The following YAP1 variants were observed in gnomAD, a reference collection of about 807,000 sequenced individuals.
YAP1 encodes the protein transcriptional coactivator YAP1.
YAP1 carries 5 observed loss-of-function variants against 56.9 expected under a neutral mutation model. The observed-to-expected ratio is 0.09, with a 90% CI of 0.05 to 0.18. YAP1 has a LOEUF of 0.18. Ranked by LOEUF, YAP1 falls within the 10% of genes least tolerant of loss-of-function variation. The pLI, the probability that YAP1 is intolerant of heterozygous loss-of-function variation, is 1.00. For synonymous variants in YAP1, 265 were observed against 248.1 expected (o/e 1.07, Z -0.64); for missense variants, 539 against 651.8 (o/e 0.83, Z 1.88).
At chr11:102,194,599 A>G (rs538171521) in intron 4 of YAP1, among the ~76,000 whole-genome samples, 24 of 152,352 alleles carry the variant, frequency 1.6e-4, no homozygotes, top group African/African-American at 5.3e-4. Flanking sequence ...TTACAAATGT[A>G]TTAAGTATGG....
At chr11:102,147,145 C>T (rs1229380146) in intron 2 of YAP1, among the ~76,000 whole-genome samples, 2 of 152,204 alleles carry the variant, frequency 1.3e-5, no homozygotes, top group African/African-American at 4.8e-5. Context: ...GATTCTAGCT[C>T]TGTTAATCTG....
chr11:102,151,984 T>A (rs1047989738), intron 2 of YAP1, among the ~76,000 whole-genome samples: 1 of 152,186 alleles, frequency 6.6e-6, no homozygotes, highest in African/African-American at 2.4e-5. Flanking sequence ...ACAACCTTAT[T>A]GAACACAGCT....
chr11:102,191,459 A>G (rs1014644281), intron 4 of YAP1, among the ~76,000 whole-genome samples: 1 of 152,120 alleles, frequency 6.6e-6, no homozygotes, highest in African/African-American at 2.4e-5. Flanking sequence ...ATATAGTTAA[A>G]TGGCAAAACT....
At chr11:102,119,523 G>A (rs1282389756) in intron 2 of YAP1, among the ~76,000 whole-genome samples, 1 of 151,444 alleles carries the variant, frequency 6.6e-6, no homozygotes, top group African/African-American at 2.4e-5. Context: ...ACTGCAAGGT[G>A]GTAGGCTAAT....
chr11:102,130,405 T>C (rs1944306653), intron 2 of YAP1, among the ~76,000 whole-genome samples: 1 of 152,032 alleles, frequency 6.6e-6, no homozygotes, highest in South Asian at 2.1e-4. Context: ...TAATGATTGA[T>C]TGATTGATTG....
At chr11:102,188,513 C>T (rs993898290) in intron 4 of YAP1, among the ~76,000 whole-genome samples, 1 of 152,196 alleles carries the variant, frequency 6.6e-6, no homozygotes, top group Non-Finnish European at 1.5e-5. Context: ...ACGTTTCAGT[C>T]AGCGGCAGAC....
chr11:102,110,953 A>G lies in YAP1; in HGVS notation c.105A>G (p.Gln35=), dbSNP rs1205364588. ...QGQGPPSGPG[Q]PAPAATQAAP... is the part of the protein sequence containing the mutation. ...AGGGCCCGCCGTCCGGACCCGGGCA[A>G]CCGGCACCCGCGGCGACCCAGGCGG... The change falls in exon 1 of 9, where the codon CAA becomes CAG. Residue 35 remains glutamine, a synonymous_variant. Transcript: ENST00000282441. The G allele has an allele frequency of 2.7e-6, 4 of 1,508,416 alleles. No homozygotes were observed. The Admixed American group carries it at 6.5e-5, about 25-fold the overall frequency. The allele number at this position is 1,508,416 out of a possible 1,614,324, so 93.4% of individuals were successfully genotyped here.
chr11:102,129,023 T>C (rs1474045753), intron 2 of YAP1, among the ~76,000 whole-genome samples: 1 of 152,176 alleles, frequency 6.6e-6, no homozygotes, highest in Non-Finnish European at 1.5e-5. Context: ...TGTCTCTTTC[T>C]TTCTCTCATC....
chr11:102,113,931 A>G (rs1292432758), intron 1 of YAP1, among the ~76,000 whole-genome samples: 1 of 152,110 alleles, frequency 6.6e-6, no homozygotes, highest in Non-Finnish European at 1.5e-5. Context: ...GCTCATCAAT[A>G]CAATTACAAA....
At chr11:102,220,957 C>T (rs1949897817) in intron 6 of YAP1, among the ~76,000 whole-genome samples, 1 of 152,156 alleles carries the variant, frequency 6.6e-6, no homozygotes, top group Non-Finnish European at 1.5e-5. Context: ...AAACACTGAT[C>T]ATCGTCTCAA....
At chr11:102,223,154 A>G (rs1050422389) in intron 6 of YAP1, among the ~76,000 whole-genome samples, 1 of 151,700 alleles carries the variant, frequency 6.6e-6, no homozygotes, top group Non-Finnish European at 1.5e-5. Flanking sequence ...AGGCTGAGGC[A>G]GGAGAATCAC....
intron 6 of YAP1, among the ~76,000 whole-genome samples, chr11:102,216,697 T>G (rs1355000367): frequency 2.0e-5 from 3 of 152,172 alleles, no homozygotes; most frequent in Non-Finnish European, 1.5e-5. Context: ...GTTTTTGGAT[T>G]ATTTTATCCT....
intron 2 of YAP1, among the ~76,000 whole-genome samples, chr11:102,116,719 C>T (rs953212002): frequency 3.9e-5 from 6 of 152,082 alleles, no homozygotes; most frequent in Admixed American, 3.3e-4. Context: ...TTCAGTGTTT[C>T]TGGGGAACTT....
intron 2 of YAP1, among the ~76,000 whole-genome samples, chr11:102,155,246 A>C (rs1321188277): frequency 6.6e-6 from 1 of 152,216 alleles, no homozygotes; most frequent in Admixed American, 6.5e-5. Context: ...ACGAATAATG[A>C]AACATCAAAG....
At chr11:102,158,355 A>G (rs575586353) in intron 2 of YAP1, among the ~76,000 whole-genome samples, 3 of 152,206 alleles carry the variant, frequency 2.0e-5, no homozygotes, top group South Asian at 4.1e-4. Flanking sequence ...CATGGACACA[A>G]AATATTTACC....
At chr11:102,191,182 A>C (rs1948260020) in intron 4 of YAP1, among the ~76,000 whole-genome samples, 1 of 152,072 alleles carries the variant, frequency 6.6e-6, no homozygotes, top group Non-Finnish European at 1.5e-5. Context: ...TCAAAAAAAA[A>C]AAAAATTATT....
At chr11:102,180,505 AC>A (rs1947530483) in intron 3 of YAP1, among the ~76,000 whole-genome samples, 1 of 150,786 alleles carries the variant, frequency 6.6e-6, no homozygotes, top group African/African-American at 2.4e-5. Context: ...ACACAGTGAA[AC>A]CCCGTCTCTA....
intron 2 of YAP1, among the ~76,000 whole-genome samples, chr11:102,141,289 G>T (rs1019264459): frequency 1.7e-4 from 26 of 152,184 alleles, no homozygotes; most frequent in African/African-American, 6.3e-4. Flanking sequence ...TCACCAAAAA[G>T]AAGTTGAGAA....
At chr11:102,112,557 G>A (rs1215555643) in intron 1 of YAP1, 37 of 983,846 alleles carry the variant, frequency 3.8e-5, no homozygotes, top group Non-Finnish European at 4.1e-5. Flanking sequence ...TGAGTGGAAA[G>A]AAGAGTTACC....
Sources: allele counts gnomAD v4.1 joint callset (sites outside exome capture counted in the v4.1 genomes callset), GRCh38; gene constraint gnomAD v4.1.1; transcripts MANE v1.5; gene names NCBI Gene and HGNC (gene_info 2026-07-23, HGNC 2026-07-21).